The following PRKCD variants were observed in gnomAD, a reference collection of about 807,000 sequenced individuals.
PRKCD encodes protein kinase C delta.
In PRKCD, 20 loss-of-function variants were observed where a neutral mutation model predicts 82.2. The observed-to-expected ratio is 0.24, with a 90% confidence interval of 0.17 to 0.35. The LOEUF (loss-of-function observed/expected upper bound fraction) is 0.35. PRKCD is among the 10% of genes least tolerant of loss of function. PRKCD has a pLI of 1.00. For missense variants in PRKCD, 607 were observed against 899.0 expected, an observed-to-expected ratio of 0.68 and a Z score of 4.15; for synonymous variants, 317 against 337.0, an observed-to-expected ratio of 0.94 and a Z score of 0.65.
At chr3:53,178,360 C>T in intron 2 of PRKCD, 44 bp from the exon 3 acceptor site, 2 of 1,386,402 alleles carry the variant, frequency 1.4e-6, no homozygotes, top group Non-Finnish European at 2.0e-6. Flanking sequence ...ACTGTTCCCG[C>T]TGGTCCCGCC....
Position 53,183,219 on chromosome 3 carries a change from C to T in PRKCD, c.657+13C>T. 6.2e-7 allele frequency: 1 copy of T among 1,613,392 alleles called. No homozygotes were observed. The highest frequency in any genetic ancestry group is 2.2e-5 in the East Asian group (1 of 44,854). On this transcript the variant is annotated intron_variant, in intron 8 of 18. Coordinates refer to ENST00000330452, the MANE Select transcript of PRKCD (RefSeq NM_006254.4). ...CCGGGACACTATAGTGAGCCTGGGT[C>T]CGGGGCAGGGCTGGGGATCTGGGGG...
intron 1 of PRKCD, among the ~76,000 whole-genome samples, chr3:53,164,420 C>G (rs1702768982): frequency 6.6e-6 from 1 of 151,946 alleles, no homozygotes; most frequent in Non-Finnish European, 1.5e-5. Context: ...CTGTCTGTAC[C>G]AAAACTACAA....
At chr3:53,164,667 C>T (rs1258783019) in intron 1 of PRKCD, among the ~76,000 whole-genome samples, 1 of 152,040 alleles carries the variant, frequency 6.6e-6, no homozygotes, top group Non-Finnish European at 1.5e-5. Flanking sequence ...TCATTGGAAC[C>T]TCAGAACCAC....
chr3:53,163,063 T>G (rs1702727371), intron 1 of PRKCD, among the ~76,000 whole-genome samples: 1 of 151,366 alleles, frequency 6.6e-6, no homozygotes, highest in African/African-American at 2.4e-5. Context: ...ATGGTGCATG[T>G]GTGATATGTG....
chr3:53,170,466 T>TGTGACC (rs1553664665), intron 2 of PRKCD, among the ~76,000 whole-genome samples: 7 of 152,230 alleles, frequency 4.6e-5, no homozygotes, highest in African/African-American at 1.7e-4. Context: ...GGCCTGTGAC[T>TGTGACC]GCCACCTGTG....
rs541904982 is a variant in PRKCD, at chr3:53,164,475, C to T, written c.-131-629C>T. Among the ~76,000 whole-genome samples the T allele has an allele frequency of 3.9e-5, 6 of 152,096 alleles. No homozygotes were observed. The South Asian group carries it at 8.3e-4, about 21-fold the overall frequency. On this transcript the variant is annotated intron_variant, in intron 1 of 18. Transcript: ENST00000330452. Reference sequence around the variant, plus strand: ...GCGCGCACCTGTAATCTCAGCTGCTCAGGAGGCTGAGGCACGAGAATCACT... The same window carrying T: ...GCGCGCACCTGTAATCTCAGCTGCTTAGGAGGCTGAGGCACGAGAATCACT...
chr3:53,183,532 C>T lies in PRKCD; in HGVS notation c.738C>T (p.His246=). The change falls in exon 9 of 19, where the codon CAC becomes CAT. Residue 246 remains histidine (H), a synonymous_variant. Coordinates refer to ENST00000330452, the MANE Select transcript of PRKCD (RefSeq NM_006254.4). ...HNYMSPTFCD[H]CGSLLWGLVK... is the part of the protein sequence containing the mutation. ...ACATGAGCCCCACCTTCTGTGACCA[C>T]TGCGGCAGCCTGCTCTGGGGACTGG... is the stretch of plus-strand genomic sequence containing the variant. 6.2e-7 allele frequency: 1 copy of T among 1,614,240 alleles called. No homozygotes were observed. The highest frequency in any genetic ancestry group is 8.5e-7 in the Non-Finnish European group (1 of 1,180,032).
intron 2 of PRKCD, among the ~76,000 whole-genome samples, chr3:53,175,051 C>T (rs1464711948): frequency 6.6e-6 from 1 of 152,206 alleles, no homozygotes; most frequent in East Asian, 1.9e-4. Context: ...GTGGTCCCCA[C>T]GCATACCTCC....
At chr3:53,186,857 C>A (rs537040618) in intron 14 of PRKCD, among the ~76,000 whole-genome samples, 162 bp downstream of exon 14, 1 of 152,202 alleles carries the variant, frequency 6.6e-6, no homozygotes, top group Non-Finnish European at 1.5e-5. Context: ...TGGGTCGGCA[C>A]CACACAGGAA....
chr3:53,191,357 G>A (rs1553670848), intron 18 of PRKCD, among the ~76,000 whole-genome samples: 2 of 152,184 alleles, frequency 1.3e-5, no homozygotes, highest in Non-Finnish European at 1.5e-5. Context: ...GCAGTGAGCC[G>A]AGATCGTGCC....
intron 15 of PRKCD, among the ~76,000 whole-genome samples, chr3:53,188,187 CAAAAAAAAAA>C (rs557772373): frequency 1.4e-3 from 65 of 45,584 alleles, no homozygotes; most frequent in African/African-American, 2.6e-3. Flanking sequence ...GACTGTGTCT[CAAAAAAAAAA>C]AAAAAAAAAA....
At chr3:53,166,845 C>T (rs914527092) in intron 2 of PRKCD, among the ~76,000 whole-genome samples, 6 of 152,230 alleles carry the variant, frequency 3.9e-5, no homozygotes, top group East Asian at 1.9e-4. Context: ...GGCTCCAGGC[C>T]GACCAGGGAT....
At chr3:53,161,607 C>T (rs973709127) in intron 1 of PRKCD, 179 bp downstream of exon 1, 1 of 151,958 alleles carries the variant, frequency 6.6e-6, no homozygotes, top group African/African-American at 2.4e-5. Context: ...TCTGTGTGTC[C>T]CTCCGCTAGA....
intron 18 of PRKCD, among the ~76,000 whole-genome samples, 182 bp from the exon 19 acceptor site, chr3:53,191,926 C>T (rs1703938222): frequency 6.6e-6 from 1 of 152,182 alleles, no homozygotes; most frequent in African/African-American, 2.4e-5. Context: ...TTTCCTCATC[C>T]TCTTGGGGAA....
chr3:53,186,988 A>G (rs1298122784), intron 14 of PRKCD, among the ~76,000 whole-genome samples: 6 of 152,362 alleles, frequency 3.9e-5, no homozygotes, highest in Non-Finnish European at 8.8e-5. Context: ...CACAGGACAC[A>G]GGACCCTGGT....
intron 8 of PRKCD, 35 bp downstream of exon 8, chr3:53,183,241 G>C (rs376841410): frequency 4.0e-5 from 65 of 1,609,164 alleles, no homozygotes; most frequent in Non-Finnish European, 5.0e-5. Context: ...TGGGGATCTG[G>C]GGGGCTTGGC....
intron 4 of PRKCD, among the ~76,000 whole-genome samples, chr3:53,180,674 C>G (rs1703402408): frequency 6.6e-6 from 1 of 152,268 alleles, no homozygotes; most frequent in Admixed American, 6.5e-5. Context: ...GCTGTGCTGT[C>G]TCCGCTCCCC....
rs782024075 is a variant in PRKCD, at chr3:53,183,556, G to A, written c.762G>A (p.Leu254=). 1.9e-6 allele frequency: 3 copies of A among 1,614,080 alleles called. No homozygotes were observed. The highest frequency in any genetic ancestry group is 1.3e-5 in the African/African-American group (1 of 74,944). The part of the protein sequence containing the change: ...CDHCGSLLWG[L]VKQGLKCEDC... ...ACTGCGGCAGCCTGCTCTGGGGACTGGTGAAGCAGGGATTAAAGTGTGAAG... is the reference window on the plus strand; with the variant it reads ...ACTGCGGCAGCCTGCTCTGGGGACTAGTGAAGCAGGGATTAAAGTGTGAAG... Residue 254 remains leucine, a synonymous_variant, in exon 9 of 19, where the codon CTG becomes CTA. Transcript: ENST00000330452.
At chr3:53,186,414 G>T in intron 13 of PRKCD, 74 bp downstream of exon 13, 1 of 1,582,480 alleles carries the variant, frequency 6.3e-7, no homozygotes, top group Non-Finnish European at 8.6e-7. Flanking sequence ...CCTCAGTCAG[G>T]GCTGTGTCTC....
Sources: gnomAD v4.1 joint callset for allele counts (sites outside exome capture counted in the v4.1 genomes callset) on GRCh38, gnomAD v4.1.1 for gene constraint, MANE v1.5 for transcripts, NCBI Gene and HGNC (gene_info 2026-07-23, HGNC 2026-07-21) for gene names.